Variants in STX16 observed in about 807,000 individuals in gnomAD.
STX16 encodes the protein syntaxin-16.
In STX16, 28 loss-of-function variants were observed where a neutral mutation model predicts 42.7. That is an observed-to-expected ratio of 0.66 (90% CI 0.49 to 0.90). STX16 has a LOEUF of 0.90. Ranked by LOEUF, STX16 falls within the 40% of genes least tolerant of loss-of-function variation. The pLI is 0.00. For synonymous variants in STX16, 156 were observed against 155.2 expected (o/e 1.00, Z -0.04); for missense variants, 361 against 420.9 (o/e 0.86, Z 1.24).
intron 2 of STX16, among the ~76,000 whole-genome samples, chr20:58,661,776 C>G (rs1028953314): frequency 1.3e-5 from 2 of 152,200 alleles, no homozygotes; most frequent in African/African-American, 4.8e-5. Flanking sequence ...GAAGCTGACG[C>G]AGGGCCTCAC....
At chr20:58,655,193 C>CT (rs144399569) in intron 1 of STX16, among the ~76,000 whole-genome samples, 12,327 of 151,866 alleles carry the variant, frequency 0.081, 547 homozygotes, top group African/African-American at 0.097. Context: ...AAATAACAGA[C>CT]TTTTTAAAAA....
In STX16 at chr20:58,667,977, A is replaced by C; in HGVS notation, c.253-10A>C. 6.2e-7 allele frequency: 1 copy of C among 1,614,204 alleles called. No homozygotes were observed. Among genetic ancestry groups the C allele is most frequent in the Non-Finnish European group, 8.5e-7 (1 of 1,180,030 alleles). ...GGCATCAGTGGAGTTCTGTGACTTCATTTGCTTAGATTCAGTATGATGTTG... is the reference window on the plus strand; with the variant it reads ...GGCATCAGTGGAGTTCTGTGACTTCCTTTGCTTAGATTCAGTATGATGTTG... On this transcript the variant is annotated splice_polypyrimidine_tract_variant and intron_variant, in intron 3 of 8. Coordinates refer to ENST00000371141, the MANE Select transcript of STX16 (RefSeq NM_001001433.3).
rs2084173985 is a variant in STX16, at chr20:58,677,982, G to C, written c.*1691G>C. 6.6e-6 allele frequency: 1 copy of C among 152,232 alleles called. No individual in the cohort carries two copies. The highest frequency in any genetic ancestry group is 6.5e-5 in the Admixed American group (1 of 15,276). The allele number at this position is 152,232 out of a possible 1,614,324, so 9.4% of individuals were successfully genotyped here. ...CTGACAAACATTGCTTAGGAAAGAGGGCCGGAGAATAAGAAGCCAGCACCT... is the reference window on the plus strand; with the variant it reads ...CTGACAAACATTGCTTAGGAAAGAGCGCCGGAGAATAAGAAGCCAGCACCT... On this transcript the variant is annotated 3_prime_UTR_variant, in exon 9 of 9. Transcript: ENST00000371141.
At chr20:58,667,956 T>A in intron 3 of STX16, 31 bp from the exon 4 acceptor site, 1 of 1,613,942 alleles carries the variant, frequency 6.2e-7, no homozygotes, top group South Asian at 1.1e-5. Context: ...CTGCCTGGCA[T>A]CAGTGGAGTT....
chr20:58,663,870 GTTTCA>G (rs2122957429), intron 2 of STX16, among the ~76,000 whole-genome samples: 1 of 152,246 alleles, frequency 6.6e-6, no homozygotes, highest in South Asian at 2.1e-4. Flanking sequence ...TAGAGACGGG[GTTTCA>G]CCGTGCTGGC....
chr20:58,669,974 C>G (rs1269604557), intron 5 of STX16, among the ~76,000 whole-genome samples: 2 of 152,214 alleles, frequency 1.3e-5, no homozygotes, highest in Non-Finnish European at 2.9e-5. Context: ...CAGATTTCAG[C>G]TCTCTTCTCA....
Position 58,679,092 on chromosome 20 carries a change from G to GC in STX16, c.*2802dup, listed in dbSNP as rs2084209123. 1 of 152,220 alleles carries GC rather than the reference G, an allele frequency of 6.6e-6. No individual in the cohort carries two copies. Among genetic ancestry groups the GC allele is most frequent in the Non-Finnish European group, 1.5e-5 (1 of 68,048 alleles). 9.4% of individuals were successfully genotyped at this position (152,220 alleles called of 1,614,324 possible). ...AAGGAGAAACAGACATGTTTACCAC[G>GC]CGTTTTCCAAAGCTCCTGATCTTTC... On this transcript the variant is annotated 3_prime_UTR_variant, in exon 9 of 9. Transcript: ENST00000371141.
At chr20:58,664,368 T>G (rs2083767824) in intron 2 of STX16, among the ~76,000 whole-genome samples, 1 of 152,238 alleles carries the variant, frequency 6.6e-6, no homozygotes, top group Non-Finnish European at 1.5e-5. Context: ...TAGGGTGGTG[T>G]TTCTTTATTA....
chr20:58,659,182 T>C (rs925196179), intron 1 of STX16, among the ~76,000 whole-genome samples: 5 of 152,268 alleles, frequency 3.3e-5, no homozygotes, highest in African/African-American at 1.2e-4. Context: ...TGTTAAAATA[T>C]ACATTTATTT....
intron 2 of STX16, chr20:58,667,140 T>C (rs2083854856): frequency 2.6e-6 from 1 of 379,592 alleles, no homozygotes; most frequent in Non-Finnish European, 5.1e-6. Context: ...ATCACAGTAC[T>C]AGTAGTAAGA....
intron 2 of STX16, among the ~76,000 whole-genome samples, chr20:58,661,944 A>G (rs2083710304): frequency 6.6e-6 from 1 of 152,198 alleles, no homozygotes; most frequent in Non-Finnish European, 1.5e-5. Flanking sequence ...GGCTTCCTGC[A>G]GTCTGTCCAT....
rs2083961578 is a variant in STX16, at chr20:58,671,270, G to A, written c.765G>A (p.Arg255=). ...TTTCTGACCTGAATGAAATATTCAG[G>A]GACTTAGGGGCGATGATTGTAGAAC... ...QSISDLNEIF[R]DLGAMIVEQG... Residue 255 remains arginine (R), a synonymous_variant, in exon 7 of 9, where the codon AGG becomes AGA. Coordinates refer to ENST00000371141, the MANE Select transcript of STX16 (RefSeq NM_001001433.3). 2.5e-6 allele frequency: 4 copies of A among 1,613,148 alleles called. No individual in the cohort carries two copies. The highest frequency in any genetic ancestry group is 1.7e-5 in the Admixed American group (1 of 59,892).
At chr20:58,661,617 C>T (rs1404211716) in intron 2 of STX16, among the ~76,000 whole-genome samples, 1 of 152,190 alleles carries the variant, frequency 6.6e-6, no homozygotes, top group Non-Finnish European at 1.5e-5. Context: ...TTGTCTGTGA[C>T]GTACATTTTA....
chr20:58,675,283 TTC>T (rs1386276573), intron 8 of STX16, among the ~76,000 whole-genome samples: 2 of 152,162 alleles, frequency 1.3e-5, no homozygotes, highest in African/African-American at 2.4e-5. Flanking sequence ...GAGATTGCCA[TTC>T]TCGCCAGGGC....
intron 7 of STX16, among the ~76,000 whole-genome samples, chr20:58,672,320 G>T (rs1301208019): frequency 6.6e-6 from 1 of 151,886 alleles, no homozygotes; most frequent in Non-Finnish European, 1.5e-5. Context: ...CAACAAGAGT[G>T]AAACTCTGTC....
chr20:58,653,638 T>C (rs1407383955), intron 1 of STX16, among the ~76,000 whole-genome samples: 1 of 152,184 alleles, frequency 6.6e-6, no homozygotes, highest in Non-Finnish European at 1.5e-5. Flanking sequence ...AGAAATCGAG[T>C]AGAAATTGGA....
chr20:58,662,770 C>T lies in STX16; in HGVS notation c.144+3136C>T, dbSNP rs542155319. ...CTCGAACTCCTGAGCTCAAGTGATC[C>T]GCCTGCCTTGGCCTCCCAAGTGCTA... On this transcript the variant is annotated intron_variant, in intron 2 of 8. Coordinates refer to ENST00000371141, the MANE Select transcript of STX16 (RefSeq NM_001001433.3). 1.6e-4 allele frequency among the ~76,000 whole-genome samples: 25 copies of T among 152,298 alleles called. No individual in the cohort carries two copies. The South Asian group carries it at 2.9e-3, about 18-fold the overall frequency.
At chr20:58,666,689 A>G (rs535526682) in intron 2 of STX16, among the ~76,000 whole-genome samples, 3 of 152,234 alleles carry the variant, frequency 2.0e-5, no homozygotes, top group Non-Finnish European at 4.4e-5. Context: ...TTGGCCTCCC[A>G]AAGTTCTGGG....
chr20:58,654,221 C>G (rs2083538353), intron 1 of STX16, among the ~76,000 whole-genome samples: 1 of 152,114 alleles, frequency 6.6e-6, no homozygotes, highest in South Asian at 2.1e-4. Context: ...TTTCTCAGAT[C>G]ATTGAAAGCA....
Sources: allele counts gnomAD v4.1 joint callset (sites outside exome capture counted in the v4.1 genomes callset), GRCh38; gene constraint gnomAD v4.1.1; transcripts MANE v1.5; gene names NCBI Gene and HGNC (gene_info 2026-07-23, HGNC 2026-07-21).